ATAD5: variants seen among roughly 807,000 people sequenced by gnomAD.
ATAD5 encodes the protein ATPase family AAA domain-containing protein 5.
A neutral mutation model predicts 176.9 loss-of-function variants in ATAD5; 58 were observed. That is an observed-to-expected ratio of 0.33 (90% CI 0.27 to 0.41). ATAD5 has a LOEUF of 0.41. Ranked by LOEUF, ATAD5 falls within the 10% of genes least tolerant of loss-of-function variation. The pLI, the probability that ATAD5 is intolerant of heterozygous loss-of-function variation, is 1.00. For missense variants in ATAD5, 1,789 were observed against 2,094.1 expected, an observed-to-expected ratio of 0.85 and a Z score of 2.84; for synonymous variants, 640 against 712.6, an observed-to-expected ratio of 0.90 and a Z score of 1.62.
chr17:30,886,001 TCTA>T (rs1391616558), intron 18 of ATAD5, among the ~76,000 whole-genome samples: 1 of 152,128 alleles, frequency 6.6e-6, no homozygotes, highest in Non-Finnish European at 1.5e-5. Context: ...ATCATATTTT[TCTA>T]CTTTTATCTA....
At chr17:30,845,352 G>A (rs1276140597) in intron 6 of ATAD5, among the ~76,000 whole-genome samples, 1 of 152,110 alleles carries the variant, frequency 6.6e-6, no homozygotes, top group Non-Finnish European at 1.5e-5. Flanking sequence ...CTAAGGAGAG[G>A]TATAATTCAT....
chr17:30,832,184 G>A lies in ATAD5; in HGVS notation c.-164G>A. On this transcript the variant is annotated 5_prime_UTR_variant, in exon 1 of 23. Transcript: ENST00000321990. ...GTTCGATTCGGCTGATCTGGGCCCA[G>A]CCTCCGCTCCCGCTCTCTGTCGGTG... 2.3e-6 allele frequency: 1 copy of A among 444,094 alleles called. No homozygotes were observed. Among genetic ancestry groups the A allele is most frequent in the East Asian group, 3.4e-5 (1 of 29,798 alleles). The allele number at this position is 444,094 out of a possible 1,614,324, so 27.5% of individuals were successfully genotyped here.
intron 6 of ATAD5, among the ~76,000 whole-genome samples, chr17:30,853,757 C>T (rs1393552605): frequency 6.6e-6 from 1 of 152,148 alleles, no homozygotes. Context: ...CTCTGTCCCA[C>T]TCCTGCCACT....
At chr17:30,858,000 T>G (rs904856820) in intron 8 of ATAD5, among the ~76,000 whole-genome samples, 161 bp from the exon 9 acceptor site, 1 of 152,182 alleles carries the variant, frequency 6.6e-6, no homozygotes, top group Admixed American at 6.6e-5. Flanking sequence ...TCTCTTGGCC[T>G]CCCAAAGTGC....
chr17:30,888,508 C>T (rs904312779), intron 19 of ATAD5, among the ~76,000 whole-genome samples: 1 of 152,022 alleles, frequency 6.6e-6, no homozygotes, highest in Admixed American at 6.6e-5. Flanking sequence ...CACGCCACTG[C>T]ACTCCAGCCT....
intron 8 of ATAD5, 118 bp downstream of exon 8, chr17:30,857,230 T>C: frequency 8.3e-7 from 1 of 1,205,624 alleles, no homozygotes; most frequent in Non-Finnish European, 1.1e-6. Flanking sequence ...TAATTTTTTT[T>C]TTTTTTGAGA....
chr17:30,841,464 C>T (rs1201515657), intron 4 of ATAD5, among the ~76,000 whole-genome samples: 1 of 152,116 alleles, frequency 6.6e-6, no homozygotes, highest in Non-Finnish European at 1.5e-5. Flanking sequence ...CTGCCAGTAC[C>T]TCTTTCTAAT....
intron 14 of ATAD5, among the ~76,000 whole-genome samples, chr17:30,873,403 C>T (rs1231155382): frequency 2.0e-5 from 3 of 151,308 alleles, no homozygotes; most frequent in East Asian, 1.9e-4. Flanking sequence ...CTGCAACCTC[C>T]GTCTCCCAGG....
At chr17:30,894,811 T>G (rs1266207509) in intron 22 of ATAD5, 24 bp from the exon 23 acceptor site, 2 of 1,569,248 alleles carry the variant, frequency 1.3e-6, no homozygotes, top group African/African-American at 1.4e-5. Flanking sequence ...TATTAAATTG[T>G]ATTTTTCTTT....
intron 11 of ATAD5, 66 bp from the exon 12 acceptor site, chr17:30,868,267 T>G: frequency 7.6e-7 from 1 of 1,317,190 alleles, no homozygotes; most frequent in Non-Finnish European, 1.0e-6. Flanking sequence ...CGATAATCAT[T>G]TTAACATAAA....
In ATAD5 at chr17:30,834,515, A is replaced by G. The variant is rs774726632; in HGVS notation, c.434A>G (p.Tyr145Cys). ...AGTAGCGACGATAGCAAAGAAGACTATAGTTTAAATAATGATTTTGTGGAA... is the reference window on the plus strand; with the variant it reads ...AGTAGCGACGATAGCAAAGAAGACTGTAGTTTAAATAATGATTTTGTGGAA... Reference protein sequence around the residue: ...EISSDDSKEDYSLNNDFVESS... With the variant: ...EISSDDSKEDCSLNNDFVESS... Residue 145 changes from tyrosine (Y) to cysteine (C), a missense_variant, in exon 2 of 23, where the codon TAT becomes TGT. Physicochemically the swap from Tyr to Cys is radical, Grantham distance 194. Around this residue, in one of 6 missense-constraint regions of ATAD5, gnomAD observed 696 missense variants for 712.5 expected, o/e 0.98. Transcript: ENST00000321990. 1 of 1,588,048 alleles carries G rather than the reference A, an allele frequency of 6.3e-7. No individual in the cohort carries two copies. Among genetic ancestry groups the G allele is most frequent in the Non-Finnish European group, 8.5e-7 (1 of 1,172,560 alleles).
chr17:30,891,622 C>T (rs1909642698), intron 19 of ATAD5, among the ~76,000 whole-genome samples: 1 of 152,128 alleles, frequency 6.6e-6, no homozygotes, highest in Non-Finnish European at 1.5e-5. Flanking sequence ...ATCCACCCGC[C>T]TCGGCCTCCC....
chr17:30,836,131 TA>T, intron 2 of ATAD5, 83 bp downstream of exon 2: 1 of 1,223,880 alleles, frequency 8.2e-7, no homozygotes, highest in Non-Finnish European at 1.1e-6. Flanking sequence ...TATTGGAGGG[TA>T]TTTTTTTTTC....
chr17:30,865,151 C>T lies in ATAD5; in HGVS notation c.3137-553C>T, dbSNP rs555270838. 3.4e-3 allele frequency among the ~76,000 whole-genome samples: 503 copies of T among 149,220 alleles called. 2 individuals carry two copies. Among genetic ancestry groups the T allele is most frequent in the Admixed American group, 6.0e-3 (89 of 14,914 alleles). On this transcript the variant is annotated intron_variant, in intron 10 of 22. Coordinates refer to ENST00000321990, the MANE Select transcript of ATAD5 (RefSeq NM_024857.5). ...ATGGTAATCCTAAAAAAAAAAAAACCAATGTTTAAGTGTGCACTTTAATTT... is the reference window on the plus strand; with the variant it reads ...ATGGTAATCCTAAAAAAAAAAAAACTAATGTTTAAGTGTGCACTTTAATTT...
intron 3 of ATAD5, among the ~76,000 whole-genome samples, chr17:30,838,264 A>C (rs187475777): frequency 2.0e-5 from 3 of 152,358 alleles, no homozygotes; most frequent in African/African-American, 7.2e-5. Flanking sequence ...TGGAGTAGGT[A>C]CAGGTATGTG....
At chr17:30,885,599 G>A (rs1909266287) in intron 18 of ATAD5, among the ~76,000 whole-genome samples, 1 of 148,148 alleles carries the variant, frequency 6.8e-6, no homozygotes, top group Non-Finnish European at 1.5e-5. Flanking sequence ...ATCAGATTAA[G>A]GAAATTTCTT....
chr17:30,857,217 GT>G (rs1597970495), intron 8 of ATAD5, 105 bp downstream of exon 8: 2 of 1,250,616 alleles, frequency 1.6e-6, no homozygotes, highest in East Asian at 5.7e-5. Context: ...TTGTCCTAGA[GT>G]TTAATTTTTT....
At chr17:30,883,620 C>T (rs1344788659) in intron 18 of ATAD5, among the ~76,000 whole-genome samples, 1 of 151,910 alleles carries the variant, frequency 6.6e-6, no homozygotes. Context: ...ATCACTGGCT[C>T]ACTGCAAGCT....
In ATAD5 at chr17:30,834,800, A is replaced by G. The variant is rs147045641; in HGVS notation, c.719A>G (p.Glu240Gly). The change falls in exon 2 of 23, where the codon GAG (glutamate) becomes GGG (glycine). Residue 240 changes from glutamate (E) to glycine (G), a missense_variant. Glu to Gly is a moderately conservative substitution (Grantham distance 98). Around this residue, in one of 6 missense-constraint regions of ATAD5, gnomAD observed 696 missense variants for 712.5 expected, o/e 0.98. Transcript: ENST00000321990. ...KKDGKDTKQM[E>G]NTTSHANSRD... is the part of the protein sequence containing the mutation. ...GATGGTAAAGATACTAAACAGATGG[A>G]GAATACTACAAGCCATGCAAACTCT... 1 of 1,613,988 alleles carries G rather than the reference A, an allele frequency of 6.2e-7. No individual in the cohort carries two copies. Among genetic ancestry groups the G allele is most frequent in the African/African-American group, 1.3e-5 (1 of 74,932 alleles).
Sources: gnomAD v4.1 joint callset for allele counts (sites outside exome capture counted in the v4.1 genomes callset) on GRCh38, gnomAD v4.1.1 for gene constraint, gnomAD v4.1.1 regional missense constraint, MANE v1.5 for transcripts, NCBI Gene and HGNC (gene_info 2026-07-23, HGNC 2026-07-21) for gene names.